Variants in LRRN3 observed in about 807,000 individuals in gnomAD.
The protein encoded by LRRN3 is leucine rich repeat neuronal 3, also known as leucine-rich repeat neuronal protein 3.
Under a neutral mutation model 40.1 loss-of-function variants are expected in LRRN3, and 15 were observed. The ratio of observed to expected loss-of-function variants is 0.37; its 90% CI spans 0.25 to 0.58. The LOEUF is 0.58. Among genes scored for constraint, LRRN3 ranks in the 20% least tolerant of loss-of-function variants. LRRN3 has a pLI of 0.72. For synonymous variants in LRRN3, 308 were observed against 297.2 expected (o/e 1.04, Z -0.37); for missense variants, 746 against 837.7 (o/e 0.89, Z 1.35).
chr7:111,097,647 A>C (rs1797544648), intron 1 of LRRN3, among the ~76,000 whole-genome samples: 1 of 151,946 alleles, frequency 6.6e-6, no homozygotes, highest in Admixed American at 6.6e-5. Context: ...TCATGTTTTT[A>C]TGTCATTAGA....
chr7:111,093,918 C>T (rs1379016913), intron 1 of LRRN3, among the ~76,000 whole-genome samples: 1 of 152,038 alleles, frequency 6.6e-6, no homozygotes, highest in African/African-American at 2.4e-5. Flanking sequence ...AGTTAGAATG[C>T]TGATGAGTAG....
intron 2 of LRRN3, among the ~76,000 whole-genome samples, chr7:111,114,181 T>A (rs1330449929): frequency 6.6e-6 from 1 of 151,418 alleles, no homozygotes; most frequent in Non-Finnish European, 1.5e-5. Flanking sequence ...AGGAAAACAA[T>A]GATTTCTCTT....
At position 111,123,189 on chromosome 7, in the gene LRRN3, G is replaced by C; in HGVS notation, c.417G>C (p.Leu139=). The C allele has an allele frequency of 6.2e-7, 1 of 1,613,924 alleles. No individual in the cohort carries two copies. Among genetic ancestry groups the C allele is most frequent in the Non-Finnish European group, 8.5e-7 (1 of 1,179,968 alleles). The stretch of plus-strand genomic sequence containing the variant: ...TGCCTGAAAAATGTCTGTCCGAACT[G>C]AGCAACTTACAAGAACTCTATATTA... ...TELPEKCLSE[L]SNLQELYINH... is the part of the protein sequence containing the mutation. Residue 139 remains leucine (L), a synonymous_variant, in exon 3 of 3, where the codon CTG becomes CTC. Transcript: ENST00000308478. This position sits in a 1 kb window ranked among gnomAD's most constrained non-coding sequence, Gnocchi z 6.4.
chr7:111,112,411 T>C (rs1407920841), intron 2 of LRRN3, among the ~76,000 whole-genome samples: 2 of 152,224 alleles, frequency 1.3e-5, no homozygotes, highest in Non-Finnish European at 2.9e-5. Flanking sequence ...TCATCTCATA[T>C]TAACCATTTA....
At chr7:111,111,170 AC>A (rs1315843406) in intron 2 of LRRN3, among the ~76,000 whole-genome samples, 3 of 152,028 alleles carry the variant, frequency 2.0e-5, no homozygotes, top group African/African-American at 4.8e-5. Context: ...CAAATTTATA[AC>A]CCTGTTTTGA....
At chr7:111,109,771 T>G (rs75322808) in intron 2 of LRRN3, among the ~76,000 whole-genome samples, 5,135 of 152,300 alleles carry the variant, frequency 0.034, 119 homozygotes, top group African/African-American at 0.057. Flanking sequence ...CTGTGACTAC[T>G]ATCGCTGTTT....
rs897975774 is a variant in LRRN3, at chr7:111,125,378, A to T, written c.*479A>T. 6.0e-6 allele frequency: 1 copy of T among 167,346 alleles called. No homozygotes were observed. The highest frequency in any genetic ancestry group is 1.5e-5 in the Non-Finnish European group (1 of 68,334). The allele number at this position is 167,346 out of a possible 1,614,324, so 10.4% of individuals were successfully genotyped here. ...AGTGAGTATGTGGACCTCTTTTATA[A>T]GGAAAAATACATTTTGGATTAAAAT... On this transcript the variant is annotated 3_prime_UTR_variant, in exon 3 of 3. Transcript: ENST00000308478.
intron 2 of LRRN3, among the ~76,000 whole-genome samples, chr7:111,104,629 G>C (rs2129580986): frequency 6.6e-6 from 1 of 151,824 alleles, no homozygotes; most frequent in African/African-American, 2.4e-5. Context: ...TAGTCTTTTT[G>C]ATTCGGGGAG....
chr7:111,116,065 T>G lies in LRRN3; in HGVS notation c.-358-6350T>G, dbSNP rs191790379. 2.6e-5 allele frequency among the ~76,000 whole-genome samples: 4 copies of G among 152,294 alleles called. No homozygotes were observed. In the East Asian group the frequency reaches 7.7e-4, roughly 29 times the overall value. ...AGAAAAAAGATAAAACATCCAAGATTCTCTCAAATCTGCCCAAAGCATATC... is the reference window on the plus strand; with the variant it reads ...AGAAAAAAGATAAAACATCCAAGATGCTCTCAAATCTGCCCAAAGCATATC... On this transcript the variant is annotated intron_variant, in intron 2 of 2. Coordinates refer to ENST00000308478, the MANE Select transcript of LRRN3 (RefSeq NM_001099658.2).
At chr7:111,103,426 A>AT (rs754104653) in intron 2 of LRRN3, among the ~76,000 whole-genome samples, 10 of 151,644 alleles carry the variant, frequency 6.6e-5, no homozygotes, top group East Asian at 3.9e-4. Flanking sequence ...CTTTCCAAGG[A>AT]TTTTTTCTTC....
In LRRN3 at chr7:111,125,025, A is replaced by G; in HGVS notation, c.*126A>G. ...AGTAAAAAAAGATTACTTTCGAGAG[A>G]GAAGTTTAAGCTTCACCAATGCTGC... On this transcript the variant is annotated 3_prime_UTR_variant, in exon 3 of 3. Coordinates refer to ENST00000308478, the MANE Select transcript of LRRN3 (RefSeq NM_001099658.2). The G allele has an allele frequency of 1.4e-6, 1 of 727,742 alleles. No homozygotes were observed. Among genetic ancestry groups the G allele is most frequent in the Non-Finnish European group, 2.2e-6 (1 of 454,202 alleles). 45.1% of individuals were successfully genotyped at this position (727,742 alleles called of 1,614,324 possible).
chr7:111,124,384 T>C lies in LRRN3; in HGVS notation c.1612T>C (p.Leu538=). 6.2e-7 allele frequency: 1 copy of C among 1,613,834 alleles called. No homozygotes were observed. The highest frequency in any genetic ancestry group is 1.1e-5 in the South Asian group (1 of 91,072). ...KIRDIQANSV[L]VSWKASSKIL... ...AAGAGATATTCAGGCCAATTCAGTT[T>C]TGGTGTCCTGGAAAGCAAGTTCTAA... Residue 538 remains leucine (L), a synonymous_variant, in exon 3 of 3, where the codon TTG becomes CTG. Coordinates refer to ENST00000308478, the MANE Select transcript of LRRN3 (RefSeq NM_001099658.2).
intron 2 of LRRN3, among the ~76,000 whole-genome samples, chr7:111,106,945 A>G (rs1798614803): frequency 6.6e-6 from 1 of 151,976 alleles, no homozygotes; most frequent in Non-Finnish European, 1.5e-5. Context: ...AGCATTTCTA[A>G]TATGTTATGC....
chr7:111,098,972 T>C (rs979434734), intron 1 of LRRN3, among the ~76,000 whole-genome samples: 1 of 151,772 alleles, frequency 6.6e-6, no homozygotes, highest in African/African-American at 2.4e-5. Context: ...ATTATACCTT[T>C]GTAGGATTCT....
chr7:111,121,183 G>A (rs1361285368), intron 2 of LRRN3, among the ~76,000 whole-genome samples: 5 of 152,218 alleles, frequency 3.3e-5, no homozygotes, highest in South Asian at 2.1e-4. Context: ...CATATCCTTC[G>A]CCCACTTTTT....
At chr7:111,111,942 G>GTTTGTT (rs1799264812) in intron 2 of LRRN3, among the ~76,000 whole-genome samples, 1 of 84,126 alleles carries the variant, frequency 1.2e-5, no homozygotes, top group African/African-American at 5.0e-5. Flanking sequence ...TATATAGTTT[G>GTTTGTT]TTTTTTTTTT....
At chr7:111,096,230 T>A (rs1347610557) in intron 1 of LRRN3, among the ~76,000 whole-genome samples, 1 of 151,780 alleles carries the variant, frequency 6.6e-6, no homozygotes, top group East Asian at 1.9e-4. Flanking sequence ...GACAGGAGAA[T>A]GAGGTTCTGT....
At chr7:111,105,452 C>T (rs77625070) in intron 2 of LRRN3, among the ~76,000 whole-genome samples, 2 of 151,844 alleles carry the variant, frequency 1.3e-5, no homozygotes, top group Non-Finnish European at 2.9e-5. Flanking sequence ...AGACTGCATA[C>T]GTTACCATCT....
intron 2 of LRRN3, among the ~76,000 whole-genome samples, chr7:111,111,975 T>C (rs1799284050): frequency 7.9e-6 from 1 of 126,224 alleles, no homozygotes; most frequent in Non-Finnish European, 1.6e-5. Flanking sequence ...TGAGATGGAG[T>C]CTTGCTCTGT....
Sources: allele counts gnomAD v4.1 joint callset (sites outside exome capture counted in the v4.1 genomes callset), GRCh38; gene constraint gnomAD v4.1.1; non-coding constraint Gnocchi (gnomAD v3.1); transcripts MANE v1.5; gene names NCBI Gene and HGNC (gene_info 2026-07-23, HGNC 2026-07-21).